EPHB2: variants seen among roughly 807,000 people sequenced by gnomAD.
The protein encoded by EPHB2 is EPH receptor B2, also known as ephrin type-B receptor 2.
In EPHB2, 18 loss-of-function variants were observed where a neutral mutation model predicts 96.4. The observed-to-expected ratio is 0.19, with a 90% confidence interval of 0.13 to 0.28. The LOEUF is 0.28. Among genes scored for constraint, EPHB2 ranks in the 10% least tolerant of loss-of-function variants. The pLI, the probability that EPHB2 is intolerant of heterozygous loss-of-function variation, is 1.00. For missense variants in EPHB2, 989 were observed against 1,355.4 expected (o/e 0.73, Z 4.25); for synonymous variants, 506 against 534.1 (o/e 0.95, Z 0.72).
At chr1:22,747,265 G>T (rs1327580369) in intron 1 of EPHB2, among the ~76,000 whole-genome samples, 1 of 152,220 alleles carries the variant, frequency 6.6e-6, no homozygotes, top group East Asian at 1.9e-4. Context: ...CCCAGGCAAG[G>T]TTACTTGTAT....
chr1:22,714,872 C>A (rs1408815669), intron 1 of EPHB2, among the ~76,000 whole-genome samples: 1 of 152,198 alleles, frequency 6.6e-6, no homozygotes. Context: ...AGAGGCCTTC[C>A]CTGATTCTCT....
intron 1 of EPHB2, among the ~76,000 whole-genome samples, chr1:22,764,851 C>G (rs1418889670): frequency 6.6e-6 from 1 of 152,190 alleles, no homozygotes; most frequent in Non-Finnish European, 1.5e-5. Flanking sequence ...GTTCTGCTGC[C>G]AGGTTCCCGC....
rs545522211 is a variant in EPHB2 at position 22,901,863 on chromosome 1, G to A, written c.1766-4124G>A. ...TGTGTGTGTAACAGGGTCTCACTTT[G>A]TCACCACACTGGAGTGCAGTGGCAC... is the stretch of plus-strand genomic sequence containing the variant. On this transcript the variant is annotated intron_variant, in intron 9 of 15. Transcript: ENST00000374630. Among the ~76,000 whole-genome samples, 9 of 150,530 alleles carry A rather than the reference G, an allele frequency of 6.0e-5. No homozygotes were observed. The East Asian group carries it at 1.7e-3, about 29-fold the overall frequency.
chr1:22,755,433 C>T (rs969094361), intron 1 of EPHB2, among the ~76,000 whole-genome samples: 1 of 152,182 alleles, frequency 6.6e-6, no homozygotes. Flanking sequence ...ACACTGAGGT[C>T]TGAAGAAAGA....
chr1:22,739,285 G>A (rs1314106126), intron 1 of EPHB2, among the ~76,000 whole-genome samples: 3 of 151,774 alleles, frequency 2.0e-5, no homozygotes, highest in South Asian at 4.2e-4. Flanking sequence ...GCATGATCTC[G>A]GCTCACTGCA....
At chr1:22,881,870 G>A (rs1287511197) in intron 5 of EPHB2, among the ~76,000 whole-genome samples, 1 of 152,184 alleles carries the variant, frequency 6.6e-6, no homozygotes, top group African/African-American at 2.4e-5. Context: ...TGGGATTACA[G>A]ATGTGAGCCG....
intron 3 of EPHB2, among the ~76,000 whole-genome samples, chr1:22,802,793 C>T (rs137878383): frequency 1.2e-4 from 18 of 152,316 alleles, no homozygotes; most frequent in African/African-American, 4.1e-4. Context: ...TATGGTCTGA[C>T]TCTCAGCTCA....
In EPHB2 at chr1:22,846,653, G is replaced by A. The variant is rs1478731330; in HGVS notation, c.812-16384G>A. 6.6e-6 allele frequency among the ~76,000 whole-genome samples: 1 copy of A among 152,130 alleles called. No individual in the cohort carries two copies. The highest frequency in any genetic ancestry group is 2.4e-5 in the African/African-American group (1 of 41,428). On this transcript the variant is annotated intron_variant, in intron 3 of 15. Coordinates refer to ENST00000374630, the MANE Select transcript of EPHB2 (RefSeq NM_017449.5). This position sits in a 1 kb window ranked among gnomAD's most constrained non-coding sequence, Gnocchi z 4.3. ...ACTCTGGGTTCCAGCTGCCTCAAAC[G>A]AGCAGCAGGTCCTCAGCCTTGCCAT...
intron 5 of EPHB2, among the ~76,000 whole-genome samples, chr1:22,874,442 G>A (rs1162903922): frequency 6.6e-6 from 1 of 152,152 alleles, no homozygotes; most frequent in Admixed American, 6.5e-5. Flanking sequence ...GTGATTGGAT[G>A]TTTCCCCAGC....
rs533658023 is a variant in EPHB2 at position 22,869,755 on chromosome 1, C to A, written c.1303+4543C>A. On this transcript the variant is annotated intron_variant, in intron 5 of 15. Transcript: ENST00000374630. ...CCCATTCTTCCTTCAGGCCTCAGCT[C>A]ATTTCACTGACCTTCCTGACTTGGT... 3.3e-5 allele frequency among the ~76,000 whole-genome samples: 5 copies of A among 152,362 alleles called. No homozygotes were observed. In the East Asian group the frequency reaches 7.7e-4, roughly 23 times the overall value.
chr1:22,864,845 C>T (rs200307648), intron 4 of EPHB2, 32 bp from the exon 5 acceptor site: 207 of 1,471,110 alleles, frequency 1.4e-4, no homozygotes, highest in Non-Finnish European at 1.9e-4. Context: ...CCCCTGAGCC[C>T]CCCACTGACC....
chr1:22,765,545 G>C lies in EPHB2; in HGVS notation c.62-15876G>C, dbSNP rs1451575487. Among the ~76,000 whole-genome samples, 7 of 5,408 alleles carry C rather than the reference G, an allele frequency of 1.3e-3. No individual in the cohort carries two copies. In the South Asian group the frequency reaches 0.033, roughly 25 times the overall value. 3.5% of individuals were successfully genotyped at this position (5,408 alleles called of 152,430 possible). ...CTGGGTGACAGAGAGAGACCCTGTCGCAAAAAAAAAAAAAAAAACATTGAG... is the reference window on the plus strand; with the variant it reads ...CTGGGTGACAGAGAGAGACCCTGTCCCAAAAAAAAAAAAAAAAACATTGAG... On this transcript the variant is annotated intron_variant, in intron 1 of 15. Transcript: ENST00000374630.
At chr1:22,825,640 C>A (rs1348189850) in intron 3 of EPHB2, among the ~76,000 whole-genome samples, 4 of 152,242 alleles carry the variant, frequency 2.6e-5, no homozygotes, top group Non-Finnish European at 5.9e-5. Flanking sequence ...AGATGTACAG[C>A]TGGCTCAGAA....
chr1:22,711,630 T>C (rs1643148773), intron 1 of EPHB2, among the ~76,000 whole-genome samples: 1 of 151,624 alleles, frequency 6.6e-6, no homozygotes, highest in African/African-American at 2.4e-5. Flanking sequence ...CGGCGTACAA[T>C]GGGGTCCCCT....
At position 22,921,418 on chromosome 1, in the gene EPHB2, G is replaced by A. The variant is rs1640393535; in HGVS notation, c.*7848G>A. ...ACCAGCTGTGTCCAAGATCAACCCTGACCCTGTTACTCCAATGCCTTTGTA... is the reference window on the plus strand; with the variant it reads ...ACCAGCTGTGTCCAAGATCAACCCTAACCCTGTTACTCCAATGCCTTTGTA... On this transcript the variant is annotated 3_prime_UTR_variant, in exon 16 of 16. Coordinates refer to ENST00000374630, the MANE Select transcript of EPHB2 (RefSeq NM_017449.5). 1 of 152,182 alleles carries A rather than the reference G, an allele frequency of 6.6e-6. No individual in the cohort carries two copies. Among genetic ancestry groups the A allele is most frequent in the African/African-American group, 2.4e-5 (1 of 41,434 alleles). 9.4% of individuals were successfully genotyped at this position (152,182 alleles called of 1,614,324 possible).
At chr1:22,826,642 C>T (rs909015834) in intron 3 of EPHB2, among the ~76,000 whole-genome samples, 3 of 152,262 alleles carry the variant, frequency 2.0e-5, no homozygotes, top group East Asian at 1.9e-4. Flanking sequence ...AATGCTGTCA[C>T]GCCTGCCTCC....
intron 1 of EPHB2, among the ~76,000 whole-genome samples, chr1:22,758,333 G>A (rs570488184): frequency 2.6e-4 from 40 of 152,146 alleles, no homozygotes; most frequent in African/African-American, 9.6e-4. Flanking sequence ...GTCAGGAAGG[G>A]TCATGTAGAG....
intron 1 of EPHB2, among the ~76,000 whole-genome samples, chr1:22,712,907 G>A (rs1643191958): frequency 2.0e-5 from 3 of 152,198 alleles, no homozygotes; most frequent in Non-Finnish European, 4.4e-5. Flanking sequence ...GTGCTGGAGG[G>A]GAAGAAAATT....
Position 22,912,520 on chromosome 1 carries a change from A to T in EPHB2, c.2773A>T (p.Ile925Phe), listed in dbSNP as rs1248667450. Residue 925 changes from isoleucine to phenylalanine, a missense_variant, in exon 15 of 16, where the codon ATC (isoleucine) becomes TTC (phenylalanine). Physicochemically the swap from Ile to Phe is conservative, Grantham distance 21 (BLOSUM62 0). Coordinates refer to ENST00000374630, the MANE Select transcript of EPHB2 (RefSeq NM_017449.5). ...FNTVDEWLEA[I>F]KMGQYKESFA... is the part of the protein sequence containing the mutation. ...CACGGTGGACGAGTGGCTGGAGGCCATCAAGATGGGGCAGTACAAGGAGAG... is the reference window on the plus strand; with the variant it reads ...CACGGTGGACGAGTGGCTGGAGGCCTTCAAGATGGGGCAGTACAAGGAGAG... 8 of 1,614,022 alleles carry T rather than the reference A, an allele frequency of 5.0e-6. No individual in the cohort carries two copies. Among genetic ancestry groups the T allele is most frequent in the Non-Finnish European group, 6.8e-6 (8 of 1,180,048 alleles).
Sources: gnomAD v4.1 joint callset for allele counts (sites outside exome capture counted in the v4.1 genomes callset) on GRCh38, gnomAD v4.1.1 for gene constraint, Gnocchi (gnomAD v3.1) non-coding constraint, MANE v1.5 for transcripts, NCBI Gene and HGNC (gene_info 2026-07-23, HGNC 2026-07-21) for gene names.